GNB1L: variants seen among roughly 807,000 people sequenced by gnomAD.
GNB1L encodes the protein G protein subunit beta 1 like, also known as guanine nucleotide-binding protein subunit beta-like protein 1.
Under a neutral mutation model 29.1 loss-of-function variants are expected in GNB1L, and 20 were observed. That is an observed-to-expected ratio of 0.69 (90% CI 0.48 to 1.00). The LOEUF (loss-of-function observed/expected upper bound fraction) is 1.00. Ranked by LOEUF, GNB1L falls within the 50% of genes least tolerant of loss-of-function variation. The probability of loss-of-function intolerance (pLI) is 0.00; values close to 1 mark genes in which losing one functional copy is unlikely to be tolerated. For missense variants in GNB1L, 421 were observed against 464.9 expected (o/e 0.91, Z 0.87); for synonymous variants, 193 against 206.5 (o/e 0.93, Z 0.56).
chr22:19,812,587 C>T (rs1937510474), intron 4 of GNB1L, 140 bp from the exon 5 acceptor site: 3 of 800,490 alleles, frequency 3.7e-6, no homozygotes, highest in Non-Finnish European at 3.9e-6. Flanking sequence ...TCGGGAGCCT[C>T]AGCTGAGGAA....
rs1166234440 is a variant in GNB1L at position 19,849,989 on chromosome 22, TCA to T, written c.-21+4452_-21+4453del. 1.7e-5 allele frequency: 17 copies of T among 985,414 alleles called. No individual in the cohort carries two copies. The African/African-American group carries it at 2.3e-4, about 13-fold the overall frequency. 61.0% of individuals were successfully genotyped at this position (985,414 alleles called of 1,614,324 possible). A position where few individuals can be genotyped will look rare whatever the true frequency, so the allele number is the denominator to read the frequency against. ...ATTCCATTCCTCTGGGCCTGGGGCC[TCA>T]CAGCTCTGGACTGCTGCCTGGTCCT... On this transcript the variant is annotated intron_variant, in intron 2 of 7. Coordinates refer to ENST00000329517, the MANE Select transcript of GNB1L (RefSeq NM_053004.3).
At chr22:19,853,367 C>T (rs1245578396) in intron 2 of GNB1L, among the ~76,000 whole-genome samples, 6 of 152,138 alleles carry the variant, frequency 3.9e-5, no homozygotes, top group Non-Finnish European at 8.8e-5. Flanking sequence ...TAGGAGGCTC[C>T]AGAGCCAGTA....
At position 19,802,227 on chromosome 22, in the gene GNB1L, CA is replaced by C. The variant is rs775567324; in HGVS notation, c.517-12del. The C allele has an allele frequency of 6.2e-7, 1 of 1,609,466 alleles. No homozygotes were observed. Among genetic ancestry groups the C allele is most frequent in the South Asian group, 1.1e-5 (1 of 91,030 alleles). On this transcript the variant is annotated splice_polypyrimidine_tract_variant and intron_variant, in intron 6 of 7. Transcript: ENST00000329517. ...GGAGCTGCAGTCGGCCTGCGGGGAA[CA>C]GCAGAGCAGTCAGCTCCTGGAAGGA...
In GNB1L at chr22:19,851,800, T is replaced by G. The variant is rs550715663; in HGVS notation, c.-21+2643A>C. On this transcript the variant is annotated intron_variant, in intron 2 of 7. Transcript: ENST00000329517. Reference sequence around the variant, plus strand: ...GCAGGTCCCCATCAAGGTAGGGGGCTGCCCAGGCCTGGGCTCGGCCTGTTA... The same window carrying G: ...GCAGGTCCCCATCAAGGTAGGGGGCGGCCCAGGCCTGGGCTCGGCCTGTTA... 8.1e-6 allele frequency: 13 copies of G among 1,614,026 alleles called. No homozygotes were observed. The Admixed American group carries it at 2.2e-4, about 27-fold the overall frequency.
chr22:19,838,958 T>C (rs1937811740), intron 2 of GNB1L, among the ~76,000 whole-genome samples: 1 of 152,160 alleles, frequency 6.6e-6, no homozygotes, highest in Non-Finnish European at 1.5e-5. Flanking sequence ...TGACCATCTA[T>C]GGATGAATGG....
At chr22:19,850,103 A>G in intron 2 of GNB1L, 2 of 984,982 alleles carry the variant, frequency 2.0e-6, no homozygotes, top group Non-Finnish European at 2.4e-6. Context: ...CTTTGATCAG[A>G]CCCTTGGACC....
chr22:19,846,625 T>C, intron 2 of GNB1L: 1 of 889,706 alleles, frequency 1.1e-6, no homozygotes, highest in Non-Finnish European at 1.3e-6. Context: ...TCCTAACCCC[T>C]AGTACTTACA....
intron 5 of GNB1L, among the ~76,000 whole-genome samples, chr22:19,810,852 A>C (rs1937491781): frequency 6.6e-6 from 1 of 152,196 alleles, no homozygotes; most frequent in Non-Finnish European, 1.5e-5. Flanking sequence ...CCCCGGGAAA[A>C]GACAGATGCT....
At chr22:19,806,480 C>A (rs536280176) in intron 6 of GNB1L, among the ~76,000 whole-genome samples, 179 bp downstream of exon 6, 51 of 152,374 alleles carry the variant, frequency 3.3e-4, no homozygotes, top group African/African-American at 6.3e-4. Flanking sequence ...ACAGGAGGCC[C>A]CTTGCAGCAG....
At position 19,798,600 on chromosome 22, in the gene GNB1L, C is replaced by T. The variant is rs150298140; in HGVS notation, c.732+3401G>A. 3.2e-3 allele frequency among the ~76,000 whole-genome samples: 488 copies of T among 152,302 alleles called. 9 individuals are homozygous for T. The highest frequency in any genetic ancestry group is 0.011 in the African/African-American group (471 of 41,568). Reference sequence around the variant, plus strand: ...ATCTTCACCTGTGGAGGCTGAGATGCCCAGTTCCTCCTGCCCAGCTCCTGC... The same window carrying T: ...ATCTTCACCTGTGGAGGCTGAGATGTCCAGTTCCTCCTGCCCAGCTCCTGC... On this transcript the variant is annotated intron_variant, in intron 7 of 7. Transcript: ENST00000329517.
intron 7 of GNB1L, 113 bp from the exon 8 acceptor site, chr22:19,789,073 A>C: frequency 8.7e-7 from 1 of 1,153,788 alleles, no homozygotes. Context: ...CAGGCCCGGG[A>C]TGTGAGGGCC....
At chr22:19,830,251 G>A (rs1018012130) in intron 2 of GNB1L, among the ~76,000 whole-genome samples, 2 of 151,702 alleles carry the variant, frequency 1.3e-5, no homozygotes, top group Non-Finnish European at 2.9e-5. Flanking sequence ...TTATACGATG[G>A]TATACATGGA....
At chr22:19,799,620 G>T (rs1161577761) in intron 7 of GNB1L, among the ~76,000 whole-genome samples, 2 of 152,208 alleles carry the variant, frequency 1.3e-5, no homozygotes, top group Non-Finnish European at 2.9e-5. Flanking sequence ...CCCGCCGGGG[G>T]GAGACTGATC....
intron 2 of GNB1L, chr22:19,846,228 A>G (rs186511159): frequency 6.5e-4 from 109 of 167,086 alleles, no homozygotes; most frequent in Non-Finnish European, 1.1e-3. Flanking sequence ...ACAGGCTATC[A>G]AGGATGACAG....
At chr22:19,792,945 CT>C in intron 7 of GNB1L, 1 of 1,349,524 alleles carries the variant, frequency 7.4e-7, no homozygotes, top group Non-Finnish European at 1.0e-6. Flanking sequence ...TTTGGCTAAG[CT>C]GATGGAAGCT....
rs1385694694 is a variant in GNB1L at position 19,816,425 on chromosome 22, G to T, written c.255-3978C>A. On this transcript the variant is annotated intron_variant, in intron 4 of 7. Coordinates refer to ENST00000329517, the MANE Select transcript of GNB1L (RefSeq NM_053004.3). This position sits in a 1 kb window ranked among gnomAD's most constrained non-coding sequence, Gnocchi z 4.4. The stretch of plus-strand genomic sequence containing the variant: ...TCAGAATCCTCTGACGTGGCCATCT[G>T]CGAGATGTCCAGACCTAGAATCTGC... Among the ~76,000 whole-genome samples the T allele has an allele frequency of 6.6e-6, 1 of 152,152 alleles. No individual in the cohort carries two copies. The highest frequency in any genetic ancestry group is 1.9e-4 in the East Asian group (1 of 5,188).
chr22:19,850,227 C>T lies in GNB1L; in HGVS notation c.-21+4216G>A, dbSNP rs1475807189. 1.4e-5 allele frequency: 14 copies of T among 985,602 alleles called. No homozygotes were observed. In the East Asian group the frequency reaches 4.5e-4, roughly 32 times the overall value. 61.1% of individuals were successfully genotyped at this position (985,602 alleles called of 1,614,324 possible). ...GACTTGCTGGTAGGCAGCCACTGCACCACCTCAGCCAGTAATCCAACACGT... is the reference window on the plus strand; with the variant it reads ...GACTTGCTGGTAGGCAGCCACTGCATCACCTCAGCCAGTAATCCAACACGT... On this transcript the variant is annotated intron_variant, in intron 2 of 7. Transcript: ENST00000329517.
chr22:19,841,664 T>C (rs1937863446), intron 2 of GNB1L, among the ~76,000 whole-genome samples: 1 of 152,198 alleles, frequency 6.6e-6, no homozygotes, highest in South Asian at 2.1e-4. Flanking sequence ...ACAGACTTAA[T>C]GTCAACTTTT....
intron 2 of GNB1L, among the ~76,000 whole-genome samples, chr22:19,823,814 T>C (rs551403861): frequency 9.9e-5 from 15 of 151,756 alleles, no homozygotes; most frequent in African/African-American, 3.6e-4. Flanking sequence ...CACACACACA[T>C]GCACACACAC....
Sources: allele counts gnomAD v4.1 joint callset (sites outside exome capture counted in the v4.1 genomes callset), GRCh38; gene constraint gnomAD v4.1.1; non-coding constraint Gnocchi (gnomAD v3.1); transcripts MANE v1.5; gene names NCBI Gene and HGNC (gene_info 2026-07-23, HGNC 2026-07-21).